Variants in THEMIS observed in about 807,000 individuals in gnomAD.
The protein encoded by THEMIS is thymocyte selection associated, also known as protein THEMIS.
THEMIS carries 37 observed loss-of-function variants against 52.6 expected under a neutral mutation model. The ratio of observed to expected loss-of-function variants is 0.70; its 90% CI spans 0.54 to 0.93. The LOEUF (loss-of-function observed/expected upper bound fraction) is 0.93, where lower values mean the gene tolerates loss of function less well. Among genes scored for constraint, THEMIS ranks in the 40% least tolerant of loss-of-function variants. THEMIS has a pLI of 0.00. For synonymous variants in THEMIS, 292 were observed against 272.7 expected (o/e 1.07, Z -0.70); for missense variants, 808 against 763.1 (o/e 1.06, Z -0.69).
At chr6:127,821,094 G>C (rs548485230) in intron 3 of THEMIS, among the ~76,000 whole-genome samples, 2 of 151,582 alleles carry the variant, frequency 1.3e-5, no homozygotes, top group African/African-American at 4.8e-5. Flanking sequence ...ATCTTTTATA[G>C]ATTTATAAAA....
At chr6:127,810,270 C>T (rs1054871059) in intron 4 of THEMIS, among the ~76,000 whole-genome samples, 1 of 152,026 alleles carries the variant, frequency 6.6e-6, no homozygotes, top group African/African-American at 2.4e-5. Context: ...TCCATATCTT[C>T]ACATCCTGCA....
Position 127,746,684 on chromosome 6 carries a change from ATATAT to A in THEMIS, c.1759-26866_1759-26862del, listed in dbSNP as rs1388432661. Among the ~76,000 whole-genome samples the A allele has an allele frequency of 2.4e-5, 3 of 125,714 alleles. No individual in the cohort carries two copies. The East Asian group carries it at 6.4e-4, about 27-fold the overall frequency. 82.5% of individuals were successfully genotyped at this position (125,714 alleles called of 152,430 possible). A position where few individuals can be genotyped will look rare whatever the true frequency, so the allele number is the denominator to read the frequency against. On this transcript the variant is annotated intron_variant, in intron 4 of 5. Coordinates refer to ENST00000368248, the MANE Select transcript of THEMIS (RefSeq NM_001010923.3). ...TATATTCAATATAGATTTGTTATAC[ATATAT>A]TTTATTTTATATTGTAGAGATCTAT...
chr6:127,814,004 C>T, intron 3 of THEMIS, 73 bp from the exon 4 acceptor site: 1 of 1,213,888 alleles, frequency 8.2e-7, no homozygotes, highest in Non-Finnish European at 1.1e-6. Context: ...TCTCCTGATG[C>T]CATAAATAAA....
chr6:127,720,564 T>G (rs1041946795), intron 4 of THEMIS, among the ~76,000 whole-genome samples: 2 of 151,988 alleles, frequency 1.3e-5, no homozygotes, highest in African/African-American at 4.8e-5. Flanking sequence ...TGAATAAGAT[T>G]ACAGAATATG....
chr6:127,697,532 C>A, the THEMIS span, among the ~76,000 whole-genome samples: 1 of 152,182 alleles, frequency 6.6e-6, no homozygotes, highest in African/African-American at 2.4e-5. Context: ...AAACTAAATT[C>A]CTTAATGTTA....
chr6:127,889,897 G>T (rs746757891), intron 1 of THEMIS, among the ~76,000 whole-genome samples: 1 of 151,978 alleles, frequency 6.6e-6, no homozygotes, highest in Non-Finnish European at 1.5e-5. Context: ...TAGACATAAC[G>T]TCACAAGATG....
chr6:127,862,515 A>T, intron 1 of THEMIS, among the ~76,000 whole-genome samples: 1 of 143,088 alleles, frequency 7.0e-6, no homozygotes, highest in South Asian at 2.2e-4. Flanking sequence ...CACCTCCTAC[A>T]TTCAAGTGAT....
At chr6:127,819,033 T>G (rs1419171371) in intron 3 of THEMIS, among the ~76,000 whole-genome samples, 2 of 138,528 alleles carry the variant, frequency 1.4e-5, no homozygotes, top group Non-Finnish European at 3.0e-5. Context: ...GACAGGAGAA[T>G]TGCCTGAACC....
upstream of THEMIS, among the ~76,000 whole-genome samples, chr6:127,902,999 G>A (rs1781182716): frequency 6.6e-6 from 1 of 151,964 alleles, no homozygotes; most frequent in African/African-American, 2.4e-5. Flanking sequence ...GGCTCCATCT[G>A]CTTCTGCTCT....
chr6:127,802,169 C>T (rs1303256969), intron 4 of THEMIS, among the ~76,000 whole-genome samples: 1 of 152,200 alleles, frequency 6.6e-6, no homozygotes, highest in East Asian at 1.9e-4. Flanking sequence ...GGAAAAGATC[C>T]AAAGGCTTAG....
intron 4 of THEMIS, among the ~76,000 whole-genome samples, chr6:127,783,077 T>C (rs1776803518): frequency 6.6e-6 from 1 of 151,944 alleles, no homozygotes; most frequent in Non-Finnish European, 1.5e-5. Flanking sequence ...GCCTCAGAAA[T>C]AATGCCACAC....
intron 3 of THEMIS, among the ~76,000 whole-genome samples, chr6:127,815,173 AT>A (rs1450137913): frequency 6.6e-5 from 10 of 151,934 alleles, no homozygotes; most frequent in South Asian, 4.2e-4. Context: ...ATAAAAAAAA[AT>A]AATAAAGTTA....
chr6:127,784,910 G>A (rs1035843085), intron 4 of THEMIS, among the ~76,000 whole-genome samples: 3 of 152,024 alleles, frequency 2.0e-5, no homozygotes, highest in Admixed American at 6.5e-5. Flanking sequence ...ATCTATACAG[G>A]CATTCTAATT....
intron 2 of THEMIS, among the ~76,000 whole-genome samples, chr6:127,853,730 C>T (rs952785182): frequency 6.6e-6 from 1 of 151,618 alleles, no homozygotes; most frequent in South Asian, 2.1e-4. Context: ...ATGCACCTTT[C>T]TATATGCCAT....
At chr6:127,870,465 T>C (rs552467576) in intron 1 of THEMIS, among the ~76,000 whole-genome samples, 2 of 152,016 alleles carry the variant, frequency 1.3e-5, no homozygotes, top group Admixed American at 1.3e-4. Flanking sequence ...AACAGAAAAT[T>C]AAAAATAAAA....
chr6:127,861,540 T>C (rs1779795264), intron 1 of THEMIS, among the ~76,000 whole-genome samples: 1 of 151,890 alleles, frequency 6.6e-6, no homozygotes, highest in Admixed American at 6.6e-5. Flanking sequence ...GCCCAGCACT[T>C]TGGGAGGCCA....
chr6:127,896,170 T>G (rs1173140792), intron 1 of THEMIS, among the ~76,000 whole-genome samples: 25 of 151,144 alleles, frequency 1.7e-4, no homozygotes, highest in Admixed American at 1.6e-3. Flanking sequence ...AAAACAAACA[T>G]CATGAATGGT....
At chr6:127,811,272 G>A (rs895085928) in intron 4 of THEMIS, among the ~76,000 whole-genome samples, 7 of 152,082 alleles carry the variant, frequency 4.6e-5, no homozygotes, top group Non-Finnish European at 7.4e-5. Flanking sequence ...AGTAGCTGAC[G>A]TGGGTCCCAC....
chr6:127,798,991 CA>C (rs760389708), intron 4 of THEMIS, among the ~76,000 whole-genome samples: 280 of 71,574 alleles, frequency 3.9e-3, no homozygotes, highest in South Asian at 0.016. Context: ...GACTCCGTCT[CA>C]AAAAAAAAAA....
Sources: gnomAD v4.1 joint callset for allele counts (sites outside exome capture counted in the v4.1 genomes callset) on GRCh38, gnomAD v4.1.1 for gene constraint, MANE v1.5 for transcripts, NCBI Gene and HGNC (gene_info 2026-07-23, HGNC 2026-07-21) for gene names.